Variants in SYT7 observed in about 807,000 individuals in gnomAD.
SYT7 encodes the protein synaptotagmin-7.
In SYT7, 29 loss-of-function variants were observed where a neutral mutation model predicts 75.1. The observed-to-expected ratio is 0.39, with a 90% CI of 0.29 to 0.53. The LOEUF (loss-of-function observed/expected upper bound fraction) is 0.53, where lower values mean the gene tolerates loss of function less well. SYT7 is among the 20% of genes least tolerant of loss of function. SYT7 has a pLI of 0.77. For synonymous variants in SYT7, 376 were observed against 401.7 expected, an observed-to-expected ratio of 0.94 and a Z score of 0.76; for missense variants, 693 against 953.2, an observed-to-expected ratio of 0.73 and a Z score of 3.59.
At chr11:61,557,897 C>A (rs2063538752) in intron 1 of SYT7, among the ~76,000 whole-genome samples, 1 of 152,222 alleles carries the variant, frequency 6.6e-6, no homozygotes, top group South Asian at 2.1e-4. Flanking sequence ...GATCTCCAAG[C>A]TTCCAAGGGA....
At chr11:61,559,089 A>G (rs913850690) in intron 1 of SYT7, among the ~76,000 whole-genome samples, 11 of 152,290 alleles carry the variant, frequency 7.2e-5, no homozygotes, top group Admixed American at 2.6e-4. Flanking sequence ...CAAGTGTATT[A>G]ACCACTCAGT....
chr11:61,584,669 T>C (rs1433742451), upstream of SYT7, among the ~76,000 whole-genome samples: 1 of 152,212 alleles, frequency 6.6e-6, no homozygotes, highest in Non-Finnish European at 1.5e-5. Context: ...TCCTTGACCC[T>C]GCCAGCCTGA....
chr11:61,577,377 T>G (rs2135458650), intron 1 of SYT7, among the ~76,000 whole-genome samples: 2 of 152,332 alleles, frequency 1.3e-5, no homozygotes, highest in East Asian at 3.9e-4. Context: ...GGGCAGGCTT[T>G]GGGGAGGTAG....
chr11:61,524,030 C>A lies in SYT7; in HGVS notation c.1642-89G>T. 1 of 1,192,538 alleles carries A rather than the reference C, an allele frequency of 8.4e-7. No homozygotes were observed. Among genetic ancestry groups the A allele is most frequent in the African/African-American group, 1.5e-5 (1 of 66,480 alleles). 73.9% of individuals were successfully genotyped at this position (1,192,538 alleles called of 1,614,324 possible). On this transcript the variant is annotated intron_variant, in intron 10 of 12. Coordinates refer to ENST00000539008, the MANE Select transcript of SYT7 (RefSeq NM_001365809.2). The surrounding 1 kb of genome is among the most constrained non-coding windows in gnomAD (Gnocchi z 4.1). ...TGCCCCCAGGTCCCCTCTACCCTGA[C>A]CTTGGTGCTTACCCATGCCCCTGTC...
At chr11:61,544,686 G>T (rs1306484554) in intron 5 of SYT7, among the ~76,000 whole-genome samples, 1 of 152,200 alleles carries the variant, frequency 6.6e-6, no homozygotes, top group Non-Finnish European at 1.5e-5. Flanking sequence ...ACTAAAATTG[G>T]TTCCTCCAGG....
chr11:61,556,351 G>C (rs987397627), intron 1 of SYT7, 144 bp from the exon 2 acceptor site: 2 of 635,648 alleles, frequency 3.1e-6, no homozygotes, highest in East Asian at 5.6e-5. Flanking sequence ...TCCCAGTTCT[G>C]CCTTGCTGGA....
chr11:61,522,382 G>A (rs1295241199), intron 12 of SYT7, among the ~76,000 whole-genome samples: 19 of 151,756 alleles, frequency 1.3e-4, no homozygotes, highest in Admixed American at 1.2e-3. Context: ...TAGAGACGGG[G>A]TTTCACCATG....
Position 61,542,514 on chromosome 11 carries a change from G to T in SYT7, c.638C>A (p.Pro213Gln). Residue 213 changes from proline (P) to glutamine (Q), a missense_variant, in exon 6 of 13, where the codon CCG becomes CAG. By Grantham distance (76) the Pro-to-Gln change is moderately conservative. Around this residue, in one of 2 missense-constraint regions of SYT7, gnomAD observed 487 missense variants for 593.2 expected, o/e 0.82. Transcript: ENST00000539008. This position sits in a 1 kb window ranked among gnomAD's most constrained non-coding sequence, Gnocchi z 7.8. ...CAGGGTGCGGGGTCGCTGGCATTTC[G>T]GCTCTCCCGTGGAGCTGGGGATAGA... is the stretch of plus-strand genomic sequence containing the variant. ...LESIPSSTGE[P>Q]KCQRPRTLMR... 1 of 1,531,798 alleles carries T rather than the reference G, an allele frequency of 6.5e-7. No homozygotes were observed. The highest frequency in any genetic ancestry group is 8.7e-7 in the Non-Finnish European group (1 of 1,145,104). 94.9% of individuals were successfully genotyped at this position (1,531,798 alleles called of 1,614,324 possible).
At chr11:61,539,013 G>A (rs764865197) in intron 6 of SYT7, among the ~76,000 whole-genome samples, 1 of 152,242 alleles carries the variant, frequency 6.6e-6, no homozygotes, top group African/African-American at 2.4e-5. Flanking sequence ...GCTGTCTCCT[G>A]TGTCCTCCTT....
In SYT7 at chr11:61,542,225, G is replaced by A. The variant is rs1302638410; in HGVS notation, c.927C>T (p.Asp309=). The change falls in exon 6 of 13, where the codon GAC becomes GAT. Residue 309 remains aspartate, a synonymous_variant. Transcript: ENST00000539008. The surrounding 1 kb of genome is among the most constrained non-coding windows in gnomAD (Gnocchi z 7.8). ...VVGQIRNRGL[D]MKSFLEGRMV... ...GGAGGACTTACAGGAAGGATTTCAT[G>A]TCCAAGCCTCGGTTTCGAATCTGCC... 12 of 1,534,526 alleles carry A rather than the reference G, an allele frequency of 7.8e-6. No individual in the cohort carries two copies. The Admixed American group carries it at 9.8e-5, about 13-fold the overall frequency.
At chr11:61,559,199 C>T (rs2063576966) in intron 1 of SYT7, among the ~76,000 whole-genome samples, 1 of 152,186 alleles carries the variant, frequency 6.6e-6, no homozygotes, top group Admixed American at 6.5e-5. Flanking sequence ...ACCCTGGGAG[C>T]ACAAATGAGG....
At chr11:61,588,075 C>T in the SYT7 span, among the ~76,000 whole-genome samples, 2 of 152,208 alleles carry the variant, frequency 1.3e-5, no homozygotes, top group Admixed American at 6.5e-5. Flanking sequence ...CTGTGACTGT[C>T]CCGGTTCCGC....
chr11:61,538,391 G>GAGAGAGAA, intron 6 of SYT7, 125 bp from the exon 7 acceptor site: 11 of 566,102 alleles, frequency 1.9e-5, no homozygotes, highest in Non-Finnish European at 3.0e-5. Flanking sequence ...GAGAGAGAAA[G>GAGAGAGAA]AGAGAGAGAG....
chr11:61,533,070 G>T lies in SYT7; in HGVS notation c.1119C>A (p.Pro373=). 1.9e-6 allele frequency: 3 copies of T among 1,612,858 alleles called. No homozygotes were observed. Among genetic ancestry groups the T allele is most frequent in the Non-Finnish European group, 2.5e-6 (3 of 1,179,850 alleles). ...VNTAPVPGQT[P]HDESDRRTEP... ...CGGTCCGGCGGTCGGACTCATCGTG[G>T]GGTGTCTGGCCTGGCACGGGGGCTG... The change falls in exon 8 of 13, where the codon CCC becomes CCA. Residue 373 remains proline (P), a synonymous_variant. Coordinates refer to ENST00000539008, the MANE Select transcript of SYT7 (RefSeq NM_001365809.2).
At chr11:61,547,087 C>T (rs1193342129) in intron 4 of SYT7, 90 bp downstream of exon 4, 35 of 1,415,042 alleles carry the variant, frequency 2.5e-5, no homozygotes, top group Non-Finnish European at 3.1e-5. Flanking sequence ...AGGGAGTGAG[C>T]GGGTCCAGAG....
At chr11:61,555,666 C>G (rs1015566648) in intron 2 of SYT7, among the ~76,000 whole-genome samples, 2 of 152,204 alleles carry the variant, frequency 1.3e-5, no homozygotes, top group Non-Finnish European at 2.9e-5. Flanking sequence ...CTCAGCCACG[C>G]CCATGGAGGG....
intron 3 of SYT7, 109 bp from the exon 4 acceptor site, chr11:61,547,417 T>A: frequency 1.5e-6 from 2 of 1,311,324 alleles, no homozygotes; most frequent in Non-Finnish European, 2.1e-6. Flanking sequence ...GGGCACACAG[T>A]GGGCGGGGCT....
rs1590838791 is a variant in SYT7 at position 61,528,150 on chromosome 11, C to G, written c.1236G>C (p.Glu412Asp). 2 of 1,612,592 alleles carry G rather than the reference C, an allele frequency of 1.2e-6. No homozygotes were observed. Among genetic ancestry groups the G allele is most frequent in the Non-Finnish European group, 1.7e-6 (2 of 1,179,982 alleles). Residue 412 changes from glutamate (E) to aspartate (D), a missense_variant, in exon 9 of 13, where the codon GAG (glutamate) becomes GAC (aspartate). Around this residue, in one of 2 missense-constraint regions of SYT7, gnomAD observed 487 missense variants for 593.2 expected, o/e 0.82. Transcript: ENST00000539008. ...SPGSEEDEAH[E>D]GCSRENLGRI... The stretch of plus-strand genomic sequence containing the variant: ...GGCCCAGGTTCTCTCGGCTGCAACC[C>G]TCGTGGGCCTCATCCTCCTCGGAGC...
upstream of SYT7, among the ~76,000 whole-genome samples, chr11:61,583,870 T>C (rs1394999106): frequency 6.6e-6 from 1 of 152,202 alleles, no homozygotes; most frequent in Non-Finnish European, 1.5e-5. Flanking sequence ...GAAAAAGCTT[T>C]GAAGACACCC....
Sources: allele counts gnomAD v4.1 joint callset (sites outside exome capture counted in the v4.1 genomes callset), GRCh38; gene constraint gnomAD v4.1.1; regional missense constraint gnomAD v4.1.1; non-coding constraint Gnocchi (gnomAD v3.1); transcripts MANE v1.5; gene names NCBI Gene and HGNC (gene_info 2026-07-23, HGNC 2026-07-21).